Variants in PLEKHM2 observed in about 807,000 individuals in gnomAD.
PLEKHM2 encodes pleckstrin homology and RUN domain containing M2, also known as pleckstrin homology domain-containing family M member 2.
Under a neutral mutation model 116.3 loss-of-function variants are expected in PLEKHM2, and 77 were observed. The ratio of observed to expected loss-of-function variants is 0.66; its 90% CI spans 0.55 to 0.80. PLEKHM2 has a LOEUF of 0.80. PLEKHM2 is among the 30% of genes least tolerant of loss of function. The pLI is 0.00. For missense variants in PLEKHM2, 1,183 were observed against 1,354.9 expected (o/e 0.87, Z 1.99); for synonymous variants, 562 against 571.0 (o/e 0.98, Z 0.22).
intron 1 of PLEKHM2, among the ~76,000 whole-genome samples, chr1:15,712,211 TAGA>T (rs751398035): frequency 2.6e-5 from 4 of 151,810 alleles, no homozygotes; most frequent in Non-Finnish European, 4.4e-5. Flanking sequence ...ACTTAGTTCC[TAGA>T]AGAAGAGAAA....
At chr1:15,714,309 A>G (rs1045460667) in intron 1 of PLEKHM2, among the ~76,000 whole-genome samples, 8 of 147,032 alleles carry the variant, frequency 5.4e-5, no homozygotes, top group Non-Finnish European at 1.0e-4. Flanking sequence ...ACATCTGTCT[A>G]TAGGCTCTCT....
In PLEKHM2 at chr1:15,728,187, A is replaced by G. The variant is rs755614984; in HGVS notation, c.1830+39A>G. ...ACTCAGGAGTGAGCAAGAGACGGCA[A>G]GGGCAAGGCGGGATGGGCCACCGCC... On this transcript the variant is annotated intron_variant, in intron 10 of 19. Coordinates refer to ENST00000375799, the MANE Select transcript of PLEKHM2 (RefSeq NM_015164.4). This position sits in a 1 kb window ranked among gnomAD's most constrained non-coding sequence, Gnocchi z 5.9. The G allele has an allele frequency of 7.5e-6, 12 of 1,606,778 alleles. No homozygotes were observed. The highest frequency in any genetic ancestry group is 6.7e-5 in the East Asian group (3 of 44,792).
At position 15,731,180 on chromosome 1, in the gene PLEKHM2, G is replaced by A; in HGVS notation, c.2400-12G>A. 1.9e-6 allele frequency: 3 copies of A among 1,587,064 alleles called. No homozygotes were observed. Among genetic ancestry groups the A allele is most frequent in the Non-Finnish European group, 2.6e-6 (3 of 1,165,718 alleles). On this transcript the variant is annotated splice_polypyrimidine_tract_variant and intron_variant, in intron 15 of 19. Transcript: ENST00000375799. ...GGACAGGCCTCACTCGCCCTGTGTT[G>A]TGCCCCTGCAGCAACGGGATCCTCT... is the stretch of plus-strand genomic sequence containing the variant.
chr1:15,702,968 A>T (rs1486862641), intron 1 of PLEKHM2, among the ~76,000 whole-genome samples: 1 of 148,898 alleles, frequency 6.7e-6, no homozygotes. Context: ...TTCAAGCAAT[A>T]CTCCCGCTGA....
intron 16 of PLEKHM2, 102 bp downstream of exon 16, chr1:15,731,359 C>A: frequency 1.1e-6 from 1 of 879,868 alleles, no homozygotes; most frequent in South Asian, 1.4e-5. Flanking sequence ...CGCCCTCAAC[C>A]CCACCCCATC....
In PLEKHM2 at chr1:15,716,274, C is replaced by T. The variant is rs760374432; in HGVS notation, c.98C>T (p.Pro33Leu). The T allele has an allele frequency of 1.1e-5, 17 of 1,606,318 alleles. No individual in the cohort carries two copies. The African/African-American group carries it at 1.5e-4, about 14-fold the overall frequency. Residue 33 changes from proline to leucine, a missense_variant, in exon 2 of 20, where the codon CCT becomes CTT. By Grantham distance (98) the Pro-to-Leu change is moderately conservative (BLOSUM62 -3). Coordinates refer to ENST00000375799, the MANE Select transcript of PLEKHM2 (RefSeq NM_015164.4). Reference sequence around the variant, plus strand: ...TTTGCTGCATGTGAGGATGAGATCCCTGCCATCCGGAACCATGACAAGGTC... The same window carrying T: ...TTTGCTGCATGTGAGGATGAGATCCTTGCCATCCGGAACCATGACAAGGTC... ...SYFAACEDEI[P>L]AIRNHDKVLQ...
At chr1:15,725,095 C>G (rs544024620) in intron 7 of PLEKHM2, among the ~76,000 whole-genome samples, 4 of 149,920 alleles carry the variant, frequency 2.7e-5, no homozygotes, top group Admixed American at 6.6e-5. Flanking sequence ...GCTCCGGAGG[C>G]CCCAGGGGTG....
rs1313646960 is a variant in PLEKHM2 at position 15,719,719 on chromosome 1, C to T, written c.466-15C>T. The stretch of plus-strand genomic sequence containing the variant: ...AGGCCTCCCACCAAACGGGCCTCCT[C>T]TACTCTCTCCTCAGGATGCCCCTTA... On this transcript the variant is annotated splice_polypyrimidine_tract_variant and intron_variant, in intron 5 of 19. Coordinates refer to ENST00000375799, the MANE Select transcript of PLEKHM2 (RefSeq NM_015164.4). This position sits in a 1 kb window ranked among gnomAD's most constrained non-coding sequence, Gnocchi z 4.1. 3 of 1,601,612 alleles carry T rather than the reference C, an allele frequency of 1.9e-6. No individual in the cohort carries two copies. In the South Asian group the frequency reaches 3.3e-5, roughly 18 times the overall value.
chr1:15,725,277 G>A, intron 7 of PLEKHM2, 40 bp from the exon 8 acceptor site: 9 of 1,463,018 alleles, frequency 6.2e-6, no homozygotes, highest in Non-Finnish European at 7.5e-6. Context: ...GACCCCGGGG[G>A]GTGCCTGACA....
At position 15,719,759 on chromosome 1, in the gene PLEKHM2, C is replaced by G. The variant is rs2067964341; in HGVS notation, c.491C>G (p.Pro164Arg). ...DLDAPYLDLA[P>R]YMPDYYKPQY... ...GATGCCCCTTACCTAGACCTGGCCC[C>G]CTACATGCCCGACTACTACAAACCT... The change falls in exon 6 of 20, where the codon CCC (proline) becomes CGC (arginine). Residue 164 changes from proline to arginine, a missense_variant. By Grantham distance (103) the Pro-to-Arg change is moderately radical (BLOSUM62 -2). Coordinates refer to ENST00000375799, the MANE Select transcript of PLEKHM2 (RefSeq NM_015164.4). This position sits in a 1 kb window ranked among gnomAD's most constrained non-coding sequence, Gnocchi z 4.1. 6.2e-7 allele frequency: 1 copy of G among 1,612,900 alleles called. No homozygotes were observed. The highest frequency in any genetic ancestry group is 8.5e-7 in the Non-Finnish European group (1 of 1,179,378).
rs192661199 is a variant in PLEKHM2, at chr1:15,702,747, G to T, written c.61-13490G>T. On this transcript the variant is annotated intron_variant, in intron 1 of 19. Transcript: ENST00000375799. ...TTTTTTTTTTTTTTTTCGAGGCAGGGTCTCACTCTGTTGCCCAGGCTGGAG... is the reference window on the plus strand; with the variant it reads ...TTTTTTTTTTTTTTTTCGAGGCAGGTTCTCACTCTGTTGCCCAGGCTGGAG... Among the ~76,000 whole-genome samples the T allele has an allele frequency of 4.3e-3, 568 of 131,830 alleles. 7 individuals are homozygous for T. The highest frequency in any genetic ancestry group is 0.015 in the African/African-American group (504 of 32,822). The allele number at this position is 131,830 out of a possible 152,430, so 86.5% of individuals were successfully genotyped here. A position where few individuals can be genotyped will look rare whatever the true frequency, so the allele number is the denominator to read the frequency against.
intron 1 of PLEKHM2, among the ~76,000 whole-genome samples, chr1:15,708,510 C>T (rs144017678): frequency 4.9e-4 from 74 of 152,276 alleles, no homozygotes; most frequent in Admixed American, 1.6e-3. Context: ...CCACTGTGCC[C>T]GGTCCGGAAC....
chr1:15,699,345 C>G (rs1394755707), intron 1 of PLEKHM2, among the ~76,000 whole-genome samples: 2 of 152,144 alleles, frequency 1.3e-5, no homozygotes, highest in East Asian at 3.9e-4. Context: ...CTCCCCCTGC[C>G]CCCCACCTCA....
intron 3 of PLEKHM2, 50 bp downstream of exon 3, chr1:15,716,866 TG>T: frequency 6.5e-7 from 1 of 1,545,982 alleles, no homozygotes. Flanking sequence ...CCACCTTCGG[TG>T]GGTAGCTTGG....
chr1:15,713,495 T>C (rs1014821439), intron 1 of PLEKHM2, among the ~76,000 whole-genome samples: 2 of 152,208 alleles, frequency 1.3e-5, no homozygotes, highest in Admixed American at 6.5e-5. Flanking sequence ...GTTCCAGCCC[T>C]GGGTCCTGTC....
At position 15,719,538 on chromosome 1, in the gene PLEKHM2, A is replaced by G. The variant is rs933872845; in HGVS notation, c.466-196A>G. On this transcript the variant is annotated intron_variant, in intron 5 of 19. Transcript: ENST00000375799. The surrounding 1 kb of genome is among the most constrained non-coding windows in gnomAD (Gnocchi z 4.1). Reference sequence around the variant, plus strand: ...AGTTCTGACAGCTCTGTCTTCCATCAGCCTGAAGTCCACAGCTTTAAAAGC... The same window carrying G: ...AGTTCTGACAGCTCTGTCTTCCATCGGCCTGAAGTCCACAGCTTTAAAAGC... Among the ~76,000 whole-genome samples the G allele has an allele frequency of 6.6e-6, 1 of 152,168 alleles. No homozygotes were observed. The highest frequency in any genetic ancestry group is 1.5e-5 in the Non-Finnish European group (1 of 68,042).
chr1:15,733,214 A>G (rs1004669086), intron 19 of PLEKHM2, among the ~76,000 whole-genome samples: 3 of 152,220 alleles, frequency 2.0e-5, no homozygotes, highest in East Asian at 3.8e-4. Context: ...ACTTAGAATC[A>G]AAAGGACAAA....
Position 15,717,969 on chromosome 1 carries a change from C to A in PLEKHM2, c.354C>A (p.Gly118=). 1 of 1,594,330 alleles carries A rather than the reference C, an allele frequency of 6.3e-7. No homozygotes were observed. Among genetic ancestry groups the A allele is most frequent in the Non-Finnish European group, 8.5e-7 (1 of 1,169,874 alleles). The change falls in exon 4 of 20, where the codon GGC becomes GGA. Residue 118 remains glycine, a synonymous_variant. Transcript: ENST00000375799. ...TGCGGTTGTTCCAGGAGAACCTGGG[C>A]CTGCTGCATAAGTACTACGTCAAGT... ...SYLRLFQENL[G]LLHKYYVKNA...
intron 7 of PLEKHM2, among the ~76,000 whole-genome samples, chr1:15,725,045 C>T (rs1288294216): frequency 6.6e-6 from 1 of 152,216 alleles, no homozygotes; most frequent in East Asian, 1.9e-4. Context: ...GCTGCTTCAC[C>T]GCGGGGGCCC....
Sources: allele counts gnomAD v4.1 joint callset (sites outside exome capture counted in the v4.1 genomes callset), GRCh38; gene constraint gnomAD v4.1.1; non-coding constraint Gnocchi (gnomAD v3.1); transcripts MANE v1.5; gene names NCBI Gene and HGNC (gene_info 2026-07-23, HGNC 2026-07-21).